The following TRPM3 variants were observed in gnomAD, a reference collection of about 807,000 sequenced individuals.
TRPM3 encodes the protein long transient receptor potential channel 3.
TRPM3 carries 77 observed loss-of-function variants against 181.2 expected under a neutral mutation model. The ratio of observed to expected loss-of-function variants is 0.42; its 90% CI spans 0.35 to 0.51. TRPM3 has a LOEUF of 0.51. Ranked by LOEUF, TRPM3 falls within the 20% of genes least tolerant of loss-of-function variation. The pLI is 0.01. For missense variants in TRPM3, 1,759 were observed against 2,196.7 expected (o/e 0.80, Z 3.98); for synonymous variants, 745 against 796.4 (o/e 0.94, Z 1.09).
At chr9:71,208,155 AG>A (rs2131779537) in intron 1 of TRPM3, among the ~76,000 whole-genome samples, 1 of 152,306 alleles carries the variant, frequency 6.6e-6, no homozygotes, top group Admixed American at 6.5e-5. Flanking sequence ...GCCAAAGAAC[AG>A]GGTAGACAGA....
At chr9:71,245,943 T>C (rs1431654099) in intron 1 of TRPM3, among the ~76,000 whole-genome samples, 1 of 152,178 alleles carries the variant, frequency 6.6e-6, no homozygotes, top group Non-Finnish European at 1.5e-5. Flanking sequence ...GGATATCTGA[T>C]GAAGTTAAAG....
intron 1 of TRPM3, among the ~76,000 whole-genome samples, chr9:71,025,527 T>C (rs919205524): frequency 6.6e-6 from 1 of 152,174 alleles, no homozygotes; most frequent in Non-Finnish European, 1.5e-5. Flanking sequence ...CTAGGGAAAA[T>C]ACCATTTCTG....
intron 1 of TRPM3, among the ~76,000 whole-genome samples, chr9:71,051,081 G>A (rs1245577509): frequency 1.3e-5 from 2 of 152,152 alleles, no homozygotes; most frequent in African/African-American, 4.8e-5. Context: ...GGAAAAGAGG[G>A]AGATGACTGG....
At chr9:71,002,298 G>A (rs868427447) in intron 1 of TRPM3, among the ~76,000 whole-genome samples, 15 of 152,138 alleles carry the variant, frequency 9.9e-5, no homozygotes, top group South Asian at 4.1e-4. Context: ...TGTTGTTTAC[G>A]CTGCAAGCAA....
At chr9:71,230,658 CA>C (rs1216402606) in intron 1 of TRPM3, among the ~76,000 whole-genome samples, 27 of 152,148 alleles carry the variant, frequency 1.8e-4, no homozygotes, top group African/African-American at 5.8e-4. Context: ...TGCAGCAGAA[CA>C]ATTTCTGCCC....
At chr9:70,546,706 A>G (rs2045031022) in intron 25 of TRPM3, among the ~76,000 whole-genome samples, 1 of 151,844 alleles carries the variant, frequency 6.6e-6, no homozygotes, top group Admixed American at 6.6e-5. Context: ...CCAGTCACCA[A>G]TGTTGCATAA....
chr9:70,636,920 T>C (rs1433407040), intron 11 of TRPM3, among the ~76,000 whole-genome samples: 2 of 152,158 alleles, frequency 1.3e-5, no homozygotes, highest in Non-Finnish European at 2.9e-5. Context: ...ACTCCTGACC[T>C]CAAGTGATCC....
intron 12 of TRPM3, among the ~76,000 whole-genome samples, chr9:70,628,741 C>T (rs140383416): frequency 2.6e-4 from 38 of 147,752 alleles, no homozygotes; most frequent in South Asian, 4.3e-4. Flanking sequence ...ATCGCTTGAA[C>T]CCGGGAGGCA....
rs2040741412 is a variant in TRPM3 at position 70,530,591 on chromosome 9, C to T, written c.*5362G>A. ...ATTGCCATCTGGATTACCTGGTCAC[C>T]AAAATCCTCTCTTAGATGACCTGTA... On this transcript the variant is annotated 3_prime_UTR_variant, in exon 26 of 26. Transcript: ENST00000677713. The T allele has an allele frequency of 6.6e-6, 1 of 152,198 alleles. No homozygotes were observed. The highest frequency in any genetic ancestry group is 6.5e-5 in the Admixed American group (1 of 15,284). The allele number at this position is 152,198 out of a possible 1,614,324, so 9.4% of individuals were successfully genotyped here.
chr9:70,606,647 G>GTATA (rs1358278678), intron 19 of TRPM3, among the ~76,000 whole-genome samples: 43 of 85,322 alleles, frequency 5.0e-4, no homozygotes, highest in East Asian at 4.0e-3. Flanking sequence ...GTGTGTGTGT[G>GTATA]TGTGTATATA....
chr9:70,837,605 A>G (rs1432142817), intron 5 of TRPM3, among the ~76,000 whole-genome samples: 1 of 152,226 alleles, frequency 6.6e-6, no homozygotes, highest in African/African-American at 2.4e-5. Flanking sequence ...CTCTTCATTT[A>G]CCTGACACAA....
intron 1 of TRPM3, among the ~76,000 whole-genome samples, chr9:71,257,916 T>C (rs948462117): frequency 9.9e-5 from 15 of 152,208 alleles, no homozygotes; most frequent in African/African-American, 3.6e-4. Flanking sequence ...TTATCAGATA[T>C]GCAAAATGGG....
At chr9:70,854,688 A>G (rs2095338468) in intron 3 of TRPM3, among the ~76,000 whole-genome samples, 1 of 152,144 alleles carries the variant, frequency 6.6e-6, no homozygotes. Context: ...TTCAAGAGAT[A>G]AACTGGGCTC....
intron 25 of TRPM3, among the ~76,000 whole-genome samples, chr9:70,541,045 C>T (rs924652862): frequency 6.6e-6 from 1 of 152,132 alleles, no homozygotes. Flanking sequence ...AGAATCAGAA[C>T]CTGGTTGCCT....
chr9:71,017,923 T>C (rs2097797935), intron 1 of TRPM3, among the ~76,000 whole-genome samples: 2 of 151,858 alleles, frequency 1.3e-5, no homozygotes, highest in East Asian at 1.9e-4. Flanking sequence ...ATATTTCATA[T>C]TCTGGGCCAT....
intron 1 of TRPM3, among the ~76,000 whole-genome samples, chr9:71,355,765 A>G (rs1047111908): frequency 6.6e-6 from 1 of 152,214 alleles, no homozygotes. Context: ...ACAGAGCATG[A>G]GCTAGGGCAA....
At chr9:71,321,318 C>G (rs2089202472) in intron 1 of TRPM3, among the ~76,000 whole-genome samples, 1 of 152,098 alleles carries the variant, frequency 6.6e-6, no homozygotes, top group Admixed American at 6.6e-5. Context: ...TAGATTATAC[C>G]AAATGCTTTG....
At chr9:71,166,794 A>G (rs2076562706) in intron 1 of TRPM3, among the ~76,000 whole-genome samples, 1 of 152,224 alleles carries the variant, frequency 6.6e-6, no homozygotes, top group Non-Finnish European at 1.5e-5. Flanking sequence ...GATTACGTAA[A>G]AGTAAATTTA....
At position 70,894,739 on chromosome 9, in the gene TRPM3, T is replaced by C. The variant is rs559944623; in HGVS notation, c.178-30228A>G. 2.0e-5 allele frequency among the ~76,000 whole-genome samples: 3 copies of C among 152,312 alleles called. No individual in the cohort carries two copies. In the South Asian group the frequency reaches 6.2e-4, roughly 32 times the overall value. On this transcript the variant is annotated intron_variant, in intron 1 of 25. Transcript: ENST00000677713. ...ATTGCCATAATATTACCAAAATATA[T>C]ATAGCACTCAACAGTTTGCTACGTA... is the stretch of plus-strand genomic sequence containing the variant.
Sources: allele counts gnomAD v4.1 joint callset (sites outside exome capture counted in the v4.1 genomes callset), GRCh38; gene constraint gnomAD v4.1.1; transcripts MANE v1.5; gene names NCBI Gene and HGNC (gene_info 2026-07-23, HGNC 2026-07-21).